The following SRP54 variants were observed in gnomAD, a reference collection of about 807,000 sequenced individuals.
SRP54 encodes signal recognition particle 54.
Under a neutral mutation model 64.8 loss-of-function variants are expected in SRP54, and 10 were observed. The observed-to-expected ratio is 0.15, with a 90% CI of 0.10 to 0.26. The LOEUF (loss-of-function observed/expected upper bound fraction) is 0.26. SRP54 is among the 10% of genes least tolerant of loss of function. The pLI, the probability that SRP54 is intolerant of heterozygous loss-of-function variation, is 1.00. For synonymous variants in SRP54, 193 were observed against 185.6 expected, an observed-to-expected ratio of 1.04 and a Z score of -0.32; for missense variants, 325 against 613.7, an observed-to-expected ratio of 0.53 and a Z score of 4.97.
At chr14:34,995,192 G>GT (rs2044053814) in intron 1 of SRP54, among the ~76,000 whole-genome samples, 1 of 119,692 alleles carries the variant, frequency 8.4e-6, no homozygotes, top group African/African-American at 2.7e-5. Flanking sequence ...TGTGTGTAGA[G>GT]AGAGAGAGGG....
intron 4 of SRP54, among the ~76,000 whole-genome samples, chr14:35,005,896 G>T (rs1386641939): frequency 1.3e-5 from 2 of 151,838 alleles, no homozygotes; most frequent in Non-Finnish European, 1.5e-5. Flanking sequence ...CTGGAGTGCG[G>T]TGGCGCGATC....
chr14:35,014,848 AAG>A lies in SRP54; in HGVS notation c.973+19_973+20del. 1.3e-6 allele frequency: 2 copies of A among 1,567,652 alleles called. No individual in the cohort carries two copies. Among genetic ancestry groups the A allele is most frequent in the Non-Finnish European group, 1.7e-6 (2 of 1,149,704 alleles). On this transcript the variant is annotated intron_variant, in intron 11 of 15. Transcript: ENST00000216774. ...GAAACATGGTATATGAGTGACAAAA[AAG>A]CACTTCATCTCAGATTTCTTCCATT...
intron 14 of SRP54, among the ~76,000 whole-genome samples, chr14:35,023,823 CTT>C (rs2044575946): frequency 6.6e-6 from 1 of 150,664 alleles, no homozygotes; most frequent in Non-Finnish European, 1.5e-5. Flanking sequence ...CACACACACA[CTT>C]CTTCTGAGTA....
intron 11 of SRP54, among the ~76,000 whole-genome samples, chr14:35,016,931 T>C (rs2044453125): frequency 6.8e-6 from 1 of 148,066 alleles, no homozygotes; most frequent in African/African-American, 2.5e-5. Flanking sequence ...CTCAGCTCAG[T>C]GCAACCTCCG....
intron 7 of SRP54, among the ~76,000 whole-genome samples, 157 bp downstream of exon 7, chr14:35,008,988 G>A (rs1439561155): frequency 1.4e-5 from 2 of 148,034 alleles, no homozygotes; most frequent in Non-Finnish European, 3.0e-5. Flanking sequence ...CTGGGTTCAA[G>A]TGATTCTCCT....
chr14:35,014,275 C>CTTTTTTTTTTTTTTTTT (rs1269464538), intron 10 of SRP54, among the ~76,000 whole-genome samples: 1 of 102,210 alleles, frequency 9.8e-6, no homozygotes, highest in Non-Finnish European at 2.1e-5. Context: ...TGCCACTTAA[C>CTTTTTTTTTTTTTTTTT]TTTTTTTTTT....
intron 7 of SRP54, among the ~76,000 whole-genome samples, chr14:35,010,594 G>A (rs143809960): frequency 1.8e-3 from 272 of 152,006 alleles, no homozygotes; most frequent in African/African-American, 6.3e-3. Context: ...GTGAAACCCC[G>A]TCTTTACTGA....
At chr14:35,026,564 T>G in intron 14 of SRP54, among the ~76,000 whole-genome samples, 1 of 152,292 alleles carries the variant, frequency 6.6e-6, no homozygotes, top group South Asian at 2.1e-4. Context: ...CCCTTTTTAC[T>G]ATGGTGTTTT....
intron 1 of SRP54, among the ~76,000 whole-genome samples, chr14:34,994,610 G>A (rs2044037295): frequency 6.6e-6 from 1 of 152,046 alleles, no homozygotes; most frequent in Non-Finnish European, 1.5e-5. Context: ...GCATAAGTAT[G>A]TCCCAGACTT....
chr14:35,016,305 C>T (rs2044437504), intron 11 of SRP54, among the ~76,000 whole-genome samples: 1 of 152,186 alleles, frequency 6.6e-6, no homozygotes, highest in African/African-American at 2.4e-5. Context: ...TCTTTAGTGG[C>T]TTTCTCTTGC....
chr14:35,013,298 A>G (rs1413371609), intron 8 of SRP54, 48 bp from the exon 9 acceptor site: 1 of 1,535,454 alleles, frequency 6.5e-7, no homozygotes, highest in South Asian at 1.1e-5. Flanking sequence ...TTTGCTTAGG[A>G]TCAATAAAAA....
At chr14:35,019,894 T>G (rs1346904649) in intron 13 of SRP54, among the ~76,000 whole-genome samples, 2 of 152,148 alleles carry the variant, frequency 1.3e-5, no homozygotes, top group Non-Finnish European at 2.9e-5. Context: ...AATAGTTGAT[T>G]GTTGGCCGGG....
intron 14 of SRP54, among the ~76,000 whole-genome samples, chr14:35,024,890 C>A (rs2044596417): frequency 6.6e-6 from 1 of 152,024 alleles, no homozygotes; most frequent in South Asian, 2.1e-4. Context: ...CCATGCCCAA[C>A]TAATTTTTGT....
intron 13 of SRP54, among the ~76,000 whole-genome samples, chr14:35,020,781 T>C (rs1204381673): frequency 6.6e-6 from 1 of 152,194 alleles, no homozygotes; most frequent in Non-Finnish European, 1.5e-5. Flanking sequence ...ACTTTAAATA[T>C]ATTAATTCAT....
At position 34,987,773 on chromosome 14, in the gene SRP54, A is replaced by G. The variant is rs759808024; in HGVS notation, c.-34+4558A>G. ...ACAAGTATTTGGATGATATCTTATT[A>G]AGATTTTGATTTACAATTCCCTGAT... On this transcript the variant is annotated intron_variant, in intron 1 of 15. Transcript: ENST00000216774. Among the ~76,000 whole-genome samples the G allele has an allele frequency of 4.7e-4, 71 of 152,124 alleles. 1 individual carries two copies. The highest frequency in any genetic ancestry group is 1.3e-4 in the Admixed American group (2 of 15,256).
At chr14:35,019,238 T>A in intron 13 of SRP54, 164 bp downstream of exon 13, 1 of 551,816 alleles carries the variant, frequency 1.8e-6, no homozygotes, top group Non-Finnish European at 3.2e-6. Context: ...GGGTTATGAT[T>A]ATTGGATTGC....
intron 7 of SRP54, among the ~76,000 whole-genome samples, chr14:35,011,048 T>C (rs2044349328): frequency 6.6e-6 from 1 of 151,952 alleles, no homozygotes; most frequent in Non-Finnish European, 1.5e-5. Context: ...TGCCTCAGTC[T>C]CCCAAGTGGC....
chr14:34,988,578 A>AAAAAAAAAAAATATATAT (rs1384552218), intron 1 of SRP54, among the ~76,000 whole-genome samples: 5 of 47,094 alleles, frequency 1.1e-4, no homozygotes, highest in Admixed American at 5.0e-4. Flanking sequence ...AAAAAAAAAA[A>AAAAAAAAAAAATATATAT]ATATATATAT....
chr14:35,007,571 C>A (rs1158515897), intron 5 of SRP54, among the ~76,000 whole-genome samples, 184 bp downstream of exon 5: 3 of 106,120 alleles, frequency 2.8e-5, no homozygotes, highest in Non-Finnish European at 6.9e-5. Context: ...AATATATTTA[C>A]ATAAAATATA....
Sources: allele counts gnomAD v4.1 joint callset (sites outside exome capture counted in the v4.1 genomes callset), GRCh38; gene constraint gnomAD v4.1.1; transcripts MANE v1.5; gene names NCBI Gene and HGNC (gene_info 2026-07-23, HGNC 2026-07-21).